AKAP19: variants seen among roughly 807,000 people sequenced by gnomAD.
AKAP19 encodes small A-kinase anchoring protein.
At chr2:190,052,475 T>C in the AKAP19 span, among the ~76,000 whole-genome samples, 1 of 152,204 alleles carries the variant, frequency 6.6e-6, no homozygotes, top group Admixed American at 6.5e-5. Context: ...CATACTTTCT[T>C]GTATGGACAT....
chr2:190,103,339 A>C, the AKAP19 span, among the ~76,000 whole-genome samples: 1 of 152,352 alleles, frequency 6.6e-6, no homozygotes, highest in South Asian at 2.1e-4. Flanking sequence ...ATTCCTTGCC[A>C]GAGCAATCGG....
the AKAP19 span, among the ~76,000 whole-genome samples, chr2:189,971,265 AGAATGAT>A: frequency 5.3e-5 from 8 of 152,160 alleles, no homozygotes; most frequent in Non-Finnish European, 1.0e-4. Context: ...TAGTTTGCTG[AGAATGAT>A]GGTTTCCAGC....
chr2:190,019,149 C>T, the AKAP19 span, among the ~76,000 whole-genome samples: 4 of 152,242 alleles, frequency 2.6e-5, no homozygotes, highest in East Asian at 3.9e-4. Context: ...GTTTGCCTCC[C>T]GGCCTGTGTA....
At chr2:190,033,549 C>G in the AKAP19 span, among the ~76,000 whole-genome samples, 3 of 152,086 alleles carry the variant, frequency 2.0e-5, no homozygotes, top group Non-Finnish European at 4.4e-5. Context: ...TGGGACAAAA[C>G]CAATTTATTT....
At chr2:190,006,801 G>A in the AKAP19 span, among the ~76,000 whole-genome samples, 1 of 151,886 alleles carries the variant, frequency 6.6e-6, no homozygotes, top group Non-Finnish European at 1.5e-5. Flanking sequence ...GGCAGATCAC[G>A]AGGTCAGGAG....
the AKAP19 span, among the ~76,000 whole-genome samples, chr2:190,172,915 C>T: frequency 6.6e-6 from 1 of 152,038 alleles, no homozygotes; most frequent in Admixed American, 6.5e-5. Flanking sequence ...GAGTTGGAAA[C>T]CAGCCTGCCC....
chr2:190,133,352 A>C, the AKAP19 span, among the ~76,000 whole-genome samples: 3 of 152,168 alleles, frequency 2.0e-5, no homozygotes, highest in Non-Finnish European at 2.9e-5. Flanking sequence ...AACATCATTA[A>C]TCATCAGGGA....
At chr2:189,944,686 A>T in the AKAP19 span, among the ~76,000 whole-genome samples, 1 of 152,220 alleles carries the variant, frequency 6.6e-6, no homozygotes, top group Non-Finnish European at 1.5e-5. Context: ...TAACGAACAG[A>T]TCATCCAGAT....
the AKAP19 span, among the ~76,000 whole-genome samples, chr2:189,971,340 T>G: frequency 5.3e-5 from 8 of 152,204 alleles, 1 homozygote; most frequent in African/African-American, 1.7e-4. Context: ...TGCATAGTAT[T>G]TCATGGTGTA....
At chr2:189,974,898 G>T in the AKAP19 span, among the ~76,000 whole-genome samples, 1 of 152,148 alleles carries the variant, frequency 6.6e-6, no homozygotes, top group Non-Finnish European at 1.5e-5. Flanking sequence ...TGAGTCTCCT[G>T]AATACAGCAC....
At chr2:190,018,633 A>G in the AKAP19 span, among the ~76,000 whole-genome samples, 1 of 151,992 alleles carries the variant, frequency 6.6e-6, no homozygotes, top group Non-Finnish European at 1.5e-5. Context: ...CATTCCATAG[A>G]TCTTCATTTC....
chr2:189,882,467 T>C, the AKAP19 span, among the ~76,000 whole-genome samples: 1 of 152,108 alleles, frequency 6.6e-6, no homozygotes, highest in Non-Finnish European at 1.5e-5. Flanking sequence ...TGTATATTGG[T>C]TCAGTCCAGA....
At chr2:190,156,840 G>T in the AKAP19 span, among the ~76,000 whole-genome samples, 1 of 152,066 alleles carries the variant, frequency 6.6e-6, no homozygotes, top group Non-Finnish European at 1.5e-5. Flanking sequence ...ATGTAATCTG[G>T]TATTATCCAT....
At chr2:190,021,417 A>G in the AKAP19 span, among the ~76,000 whole-genome samples, 1 of 152,198 alleles carries the variant, frequency 6.6e-6, no homozygotes, top group Non-Finnish European at 1.5e-5. Context: ...TTATATGTGC[A>G]CACACTTGGT....
chr2:190,090,332 A>C, the AKAP19 span, among the ~76,000 whole-genome samples: 1 of 152,182 alleles, frequency 6.6e-6, no homozygotes, highest in Non-Finnish European at 1.5e-5. Context: ...TGCTGAGACT[A>C]GGTCATAAAG....
the AKAP19 span, among the ~76,000 whole-genome samples, chr2:190,083,365 T>C: frequency 1.3e-4 from 20 of 152,228 alleles, 1 homozygote; most frequent in South Asian, 4.1e-3. Flanking sequence ...AGAGATCCTG[T>C]CTCAAAATAA....
chr2:190,037,160 C>T, the AKAP19 span, among the ~76,000 whole-genome samples: 1 of 152,184 alleles, frequency 6.6e-6, no homozygotes, highest in African/African-American at 2.4e-5. Flanking sequence ...AGTATATCCC[C>T]TGGGTAATCA....
At chr2:189,909,256 A>T in the AKAP19 span, among the ~76,000 whole-genome samples, 3 of 151,934 alleles carry the variant, frequency 2.0e-5, no homozygotes, top group Non-Finnish European at 2.9e-5. Flanking sequence ...TCTCAAAGCT[A>T]GAGCAAGTCT....
At chr2:190,125,838 C>T in the AKAP19 span, among the ~76,000 whole-genome samples, 2 of 152,050 alleles carry the variant, frequency 1.3e-5, no homozygotes, top group Non-Finnish European at 2.9e-5. Flanking sequence ...AATAAAACAG[C>T]ACGGCAATTC....
Sources: gnomAD v4.1 joint callset for allele counts (sites outside exome capture counted in the v4.1 genomes callset) on GRCh38, gnomAD v4.1.1 for gene constraint, MANE v1.5 for transcripts, NCBI Gene and HGNC (gene_info 2026-07-23, HGNC 2026-07-21) for gene names.